CSMD3: variants seen among roughly 807,000 people sequenced by gnomAD.
CSMD3 encodes the protein CUB and sushi domain-containing protein 3.
CSMD3 carries 177 observed loss-of-function variants against 435.2 expected under a neutral mutation model. The observed-to-expected ratio is 0.41, with a 90% CI of 0.36 to 0.46. CSMD3 has a LOEUF of 0.46. CSMD3 is among the 20% of genes least tolerant of loss of function. The probability of loss-of-function intolerance (pLI) is 0.34; values close to 1 mark genes in which losing one functional copy is unlikely to be tolerated. For synonymous variants in CSMD3, 1,656 were observed against 1,520.5 expected (o/e 1.09, Z -2.07); for missense variants, 4,265 against 4,504.6 (o/e 0.95, Z 1.52).
At chr8:112,635,557 T>C (rs2074633532) in intron 22 of CSMD3, among the ~76,000 whole-genome samples, 1 of 152,010 alleles carries the variant, frequency 6.6e-6, no homozygotes, top group Non-Finnish European at 1.5e-5. Context: ...AAAGATGCCC[T>C]GAGAGTATGA....
intron 13 of CSMD3, among the ~76,000 whole-genome samples, chr8:112,780,229 T>C (rs2078349267): frequency 6.6e-6 from 1 of 152,054 alleles, no homozygotes; most frequent in Non-Finnish European, 1.5e-5. Context: ...TAGTACAATA[T>C]AAAGTGGCAT....
At chr8:113,299,320 T>A (rs558026488) in intron 2 of CSMD3, among the ~76,000 whole-genome samples, 25 of 152,214 alleles carry the variant, frequency 1.6e-4, no homozygotes, top group Admixed American at 1.5e-3. Context: ...TTGCTGCTCA[T>A]GCTTATTTGA....
At chr8:112,872,566 T>C (rs1484089871) in intron 10 of CSMD3, among the ~76,000 whole-genome samples, 1 of 151,936 alleles carries the variant, frequency 6.6e-6, no homozygotes, top group African/African-American at 2.4e-5. Flanking sequence ...AGCAAATTCA[T>C]TTTTTTCTAG....
intron 4 of CSMD3, among the ~76,000 whole-genome samples, chr8:113,138,243 C>G (rs539972166): frequency 6.6e-6 from 1 of 151,306 alleles, no homozygotes; most frequent in Non-Finnish European, 1.5e-5. Flanking sequence ...TAATTGTGGA[C>G]ATGTATAGTT....
intron 1 of CSMD3, among the ~76,000 whole-genome samples, chr8:113,424,214 T>C (rs1354947973): frequency 6.6e-6 from 1 of 151,712 alleles, no homozygotes; most frequent in Non-Finnish European, 1.5e-5. Context: ...TTCCAAACTT[T>C]GTAAGGATAG....
In CSMD3 at chr8:113,112,420, T is replaced by C. The variant is rs1176346894; in HGVS notation, c.710-13457A>G. ...ATATATATATATATATATATATATA[T>C]ATATATATATATATATATATATATA... On this transcript the variant is annotated intron_variant, in intron 4 of 70. Transcript: ENST00000297405. Among the ~76,000 whole-genome samples, 5 of 22,592 alleles carry C rather than the reference T, an allele frequency of 2.2e-4. No homozygotes were observed. The Admixed American group carries it at 2.5e-3, about 11-fold the overall frequency. The allele number at this position is 22,592 out of a possible 152,430, so 14.8% of individuals were successfully genotyped here.
At chr8:113,331,747 C>A (rs974493904) in intron 1 of CSMD3, among the ~76,000 whole-genome samples, 1 of 151,096 alleles carries the variant, frequency 6.6e-6, no homozygotes, top group South Asian at 2.1e-4. Flanking sequence ...ATAGTAAAAC[C>A]ACTCAATAAA....
intron 32 of CSMD3, among the ~76,000 whole-genome samples, chr8:112,412,738 GT>G (rs1563916303): frequency 6.6e-6 from 1 of 152,100 alleles, no homozygotes; most frequent in Non-Finnish European, 1.5e-5. Flanking sequence ...TTAGAATAGA[GT>G]TTATTAATTC....
chr8:112,935,306 T>C (rs1166368791), intron 9 of CSMD3, among the ~76,000 whole-genome samples: 1 of 152,172 alleles, frequency 6.6e-6, no homozygotes, highest in Non-Finnish European at 1.5e-5. Context: ...AGTTTTGTAG[T>C]ATATTCTGAA....
At chr8:113,017,665 C>T (rs1440379363) in intron 6 of CSMD3, among the ~76,000 whole-genome samples, 2 of 151,826 alleles carry the variant, frequency 1.3e-5, no homozygotes, top group Non-Finnish European at 2.9e-5. Context: ...AAAAACTCCA[C>T]AAGTAAAAGG....
chr8:112,505,212 T>C (rs1586545159), intron 29 of CSMD3, among the ~76,000 whole-genome samples: 1 of 152,260 alleles, frequency 6.6e-6, no homozygotes, highest in East Asian at 1.9e-4. Flanking sequence ...TGGGAGACCA[T>C]CACACTATTA....
At chr8:113,419,547 T>C (rs1219232723) in intron 1 of CSMD3, among the ~76,000 whole-genome samples, 1 of 152,186 alleles carries the variant, frequency 6.6e-6, no homozygotes, top group Non-Finnish European at 1.5e-5. Context: ...TAGAAAGGGC[T>C]ATTGATAAAA....
At chr8:112,603,976 C>T (rs1467112594) in intron 22 of CSMD3, among the ~76,000 whole-genome samples, 2 of 152,054 alleles carry the variant, frequency 1.3e-5, no homozygotes, top group East Asian at 1.9e-4. Context: ...AATCTAGTCA[C>T]TTAAACTGAA....
chr8:112,694,147 T>TA (rs2076201071), intron 13 of CSMD3, among the ~76,000 whole-genome samples: 1 of 152,056 alleles, frequency 6.6e-6, no homozygotes, highest in Admixed American at 6.6e-5. Context: ...ATTGCTCTTT[T>TA]AACTCTGTTT....
chr8:112,920,465 C>A lies in CSMD3; in HGVS notation c.1633+1162G>T, dbSNP rs1017865633. Reference sequence around the variant, plus strand: ...TATCTCAATGAGATAATAGTTCTTTCTATACTCTGTCACAAGTCAGTGACA... The same window carrying A: ...TATCTCAATGAGATAATAGTTCTTTATATACTCTGTCACAAGTCAGTGACA... On this transcript the variant is annotated intron_variant, in intron 10 of 70. Transcript: ENST00000297405. Among the ~76,000 whole-genome samples the A allele has an allele frequency of 9.2e-5, 14 of 151,878 alleles. No individual in the cohort carries two copies. In the East Asian group the frequency reaches 2.7e-3, roughly 30 times the overall value.
intron 13 of CSMD3, among the ~76,000 whole-genome samples, chr8:112,733,785 G>A (rs1018195786): frequency 6.6e-6 from 1 of 151,922 alleles, no homozygotes; most frequent in African/African-American, 2.4e-5. Context: ...ATAATTAAAT[G>A]CTAATCTCAG....
intron 40 of CSMD3, among the ~76,000 whole-genome samples, chr8:112,349,338 C>A (rs1016447549): frequency 6.6e-6 from 1 of 151,840 alleles, no homozygotes; most frequent in Non-Finnish European, 1.5e-5. Flanking sequence ...AATTCTTACA[C>A]GTTAACATCA....
At chr8:112,817,325 G>T (rs2079401918) in intron 12 of CSMD3, among the ~76,000 whole-genome samples, 2 of 152,042 alleles carry the variant, frequency 1.3e-5, no homozygotes, top group African/African-American at 4.8e-5. Flanking sequence ...AGAGCTGGAA[G>T]TAATCTCAAG....
chr8:112,475,858 G>T (rs1818992567), intron 31 of CSMD3, among the ~76,000 whole-genome samples: 1 of 152,068 alleles, frequency 6.6e-6, no homozygotes, highest in African/African-American at 2.4e-5. Context: ...AAGCAAGTCA[G>T]ACCTTTGGGT....
Sources: allele counts gnomAD v4.1 joint callset (sites outside exome capture counted in the v4.1 genomes callset), GRCh38; gene constraint gnomAD v4.1.1; transcripts MANE v1.5; gene names NCBI Gene and HGNC (gene_info 2026-07-23, HGNC 2026-07-21).